Variants in CCND2 observed in about 807,000 individuals in gnomAD.
CCND2 encodes cyclin D2.
CCND2 carries 6 observed loss-of-function variants against 30.2 expected under a neutral mutation model. The observed-to-expected ratio is 0.20, with a 90% CI of 0.11 to 0.39. The LOEUF is 0.39. Ranked by LOEUF, CCND2 falls within the 10% of genes least tolerant of loss-of-function variation. The pLI is 1.00. For synonymous variants in CCND2, 150 were observed against 153.1 expected, an observed-to-expected ratio of 0.98 and a Z score of 0.15; for missense variants, 235 against 373.4, an observed-to-expected ratio of 0.63 and a Z score of 3.06.
At chr12:4,279,988 GTGCATA>G (rs922591290) in intron 3 of CCND2, among the ~76,000 whole-genome samples, 3 of 151,452 alleles carry the variant, frequency 2.0e-5, no homozygotes, top group African/African-American at 7.3e-5. Context: ...GTACGATGTA[GTGCATA>G]TGCCCTGTGC....
rs1864262422 is a variant in CCND2 at position 4,302,441 on chromosome 12, T to G, written c.*2432T>G. On this transcript the variant is annotated 3_prime_UTR_variant, in exon 5 of 5. Transcript: ENST00000261254. ...GGGGCTTCATCTGCAAAGGGCCCTT[T>G]CATCTTGAAGTTTTTCCCCTCCGTC... The G allele has an allele frequency of 8.6e-6, 2 of 233,010 alleles. No homozygotes were observed. Among genetic ancestry groups the G allele is most frequent in the African/African-American group, 4.4e-5 (2 of 45,318 alleles). 14.4% of individuals were successfully genotyped at this position (233,010 alleles called of 1,614,324 possible). A position where few individuals can be genotyped will look rare whatever the true frequency, so the allele number is the denominator to read the frequency against.
rs1157141448 is a variant in CCND2 at position 4,274,119 on chromosome 12, C to T, written c.79C>T (p.Leu27=). The change falls in exon 1 of 5, where the codon CTG becomes TTG. Residue 27 remains leucine (L), a synonymous_variant. Transcript: ENST00000261254. The surrounding 1 kb of genome is among the most constrained non-coding windows in gnomAD (Gnocchi z 7.7). ...DRNLLRDDRV[L]QNLLTIEERY... The stretch of plus-strand genomic sequence containing the variant: ...CAACCTGCTCCGAGACGACCGCGTC[C>T]TGCAGAACCTGCTCACCATCGAGGA... 1.2e-6 allele frequency: 2 copies of T among 1,613,976 alleles called. No individual in the cohort carries two copies. Among genetic ancestry groups the T allele is most frequent in the East Asian group, 2.2e-5 (1 of 44,878 alleles).
chr12:4,299,191 C>G lies in CCND2; in HGVS notation c.721-669C>G, dbSNP rs960059329. Among the ~76,000 whole-genome samples the G allele has an allele frequency of 3.0e-4, 45 of 152,160 alleles. No individual in the cohort carries two copies. The highest frequency in any genetic ancestry group is 1.1e-3 in the African/African-American group (45 of 41,512). Reference sequence around the variant, plus strand: ...CCTGGCCAATATGGTGAAACCCTGTCTGTACTAAAAATACAAAAATTAGCC... The same window carrying G: ...CCTGGCCAATATGGTGAAACCCTGTGTGTACTAAAAATACAAAAATTAGCC... On this transcript the variant is annotated intron_variant, in intron 4 of 4. Coordinates refer to ENST00000261254, the MANE Select transcript of CCND2 (RefSeq NM_001759.4). This position sits in a 1 kb window ranked among gnomAD's most constrained non-coding sequence, Gnocchi z 5.2.
In CCND2 at chr12:4,299,052, T is replaced by G. The variant is rs1276666142; in HGVS notation, c.721-808T>G. On this transcript the variant is annotated intron_variant, in intron 4 of 4. Coordinates refer to ENST00000261254, the MANE Select transcript of CCND2 (RefSeq NM_001759.4). This position sits in a 1 kb window ranked among gnomAD's most constrained non-coding sequence, Gnocchi z 5.2. ...GGAAATGGTAAAGAAGCAGAAAAAGTTGGGGATTTTTTTTTTTAAGTATTT... is the reference window on the plus strand; with the variant it reads ...GGAAATGGTAAAGAAGCAGAAAAAGGTGGGGATTTTTTTTTTTAAGTATTT... Among the ~76,000 whole-genome samples the G allele has an allele frequency of 6.7e-6, 1 of 148,444 alleles. No homozygotes were observed. Among genetic ancestry groups the G allele is most frequent in the Non-Finnish European group, 1.5e-5 (1 of 67,122 alleles).
At position 4,299,714 on chromosome 12, in the gene CCND2, T is replaced by TTC. The variant is rs1485002044; in HGVS notation, c.721-145_721-144insCT. 1.0e-5 allele frequency: 8 copies of TTC among 803,118 alleles called. No individual in the cohort carries two copies. In the African/African-American group the frequency reaches 1.2e-4, roughly 12 times the overall value. The allele number at this position is 803,118 out of a possible 1,614,324, so 49.7% of individuals were successfully genotyped here. ...TGGAGTAGTGAGGTTCCTTGGCACT[T>TTC]TAAGAACATCCCTCCTTTACTTCAC... is the stretch of plus-strand genomic sequence containing the variant. On this transcript the variant is annotated intron_variant, in intron 4 of 4. Transcript: ENST00000261254. The surrounding 1 kb of genome is among the most constrained non-coding windows in gnomAD (Gnocchi z 5.2).
intron 4 of CCND2, among the ~76,000 whole-genome samples, chr12:4,298,461 T>G (rs1672322099): frequency 6.6e-6 from 1 of 152,232 alleles, no homozygotes; most frequent in African/African-American, 2.4e-5. Context: ...TTGTCCAGGC[T>G]GGTATCGAAC....
At chr12:4,288,743 T>G in intron 3 of CCND2, 99 bp from the exon 4 acceptor site, 1 of 1,233,426 alleles carries the variant, frequency 8.1e-7, no homozygotes, top group Non-Finnish European at 1.1e-6. Context: ...CTCGCGCCGC[T>G]GACCTGCTGC....
chr12:4,282,877 G>GTGAACACTCTGGTTCTGGCCCTT lies in CCND2; in HGVS notation c.571+3964_571+3986dup, dbSNP rs1863968689. On this transcript the variant is annotated intron_variant, in intron 3 of 4. Coordinates refer to ENST00000261254, the MANE Select transcript of CCND2 (RefSeq NM_001759.4). This position sits in a 1 kb window ranked among gnomAD's most constrained non-coding sequence, Gnocchi z 4.3. ...GCGTGCCCAGTGACGTCCCTGGCCT[G>GTGAACACTCTGGTTCTGGCCCTT]TGAACACTCTGGTTCTGGCCCTTTG... Among the ~76,000 whole-genome samples, 1 of 152,226 alleles carries GTGAACACTCTGGTTCTGGCCCTT rather than the reference G, an allele frequency of 6.6e-6. No homozygotes were observed.
intron 3 of CCND2, among the ~76,000 whole-genome samples, chr12:4,288,062 G>A (rs1212129414): frequency 6.6e-6 from 1 of 152,142 alleles, no homozygotes; most frequent in Non-Finnish European, 1.5e-5. Flanking sequence ...TGATTCGGAT[G>A]CAATGATTAA....
rs202244547 is a variant in CCND2 at position 4,297,585 on chromosome 12, A to AG, written c.721-2275_721-2274insG. Among the ~76,000 whole-genome samples the AG allele has an allele frequency of 4.9e-3, 594 of 120,992 alleles. 32 individuals are homozygous for AG. The East Asian group carries it at 0.11, about 22-fold the overall frequency. The allele number at this position is 120,992 out of a possible 152,430, so 79.4% of individuals were successfully genotyped here. A position where few individuals can be genotyped will look rare whatever the true frequency, so the allele number is the denominator to read the frequency against. On this transcript the variant is annotated intron_variant, in intron 4 of 4. Coordinates refer to ENST00000261254, the MANE Select transcript of CCND2 (RefSeq NM_001759.4). ...CACTCTGTCTCAAAAAAAAAAAAAA[A>AG]AAAAAAAAAAAACAGAAAAGAAAAG...
At chr12:4,294,347 G>T (rs1223009409) in intron 4 of CCND2, among the ~76,000 whole-genome samples, 1 of 152,088 alleles carries the variant, frequency 6.6e-6, no homozygotes, top group Non-Finnish European at 1.5e-5. Flanking sequence ...GACCGCCAGC[G>T]CGGTAGGGTA....
intron 4 of CCND2, among the ~76,000 whole-genome samples, chr12:4,291,234 T>TGTGTGTGTGTGTGTGTGTGTG (rs6144591): frequency 3.4e-4 from 52 of 151,348 alleles, no homozygotes; most frequent in Middle Eastern, 3.4e-3. Context: ...TGTGTGTGTG[T>TGTGTGTGTGTGTGTGTGTGTG]TTATGCACCT....
At chr12:4,291,854 A>G (rs1864105566) in intron 4 of CCND2, among the ~76,000 whole-genome samples, 1 of 152,206 alleles carries the variant, frequency 6.6e-6, no homozygotes, top group East Asian at 1.9e-4. Context: ...CCAGACACAA[A>G]AAGACAAATA....
chr12:4,300,710 T>G lies in CCND2; in HGVS notation c.*701T>G. The G allele has an allele frequency of 4.3e-6, 1 of 233,766 alleles. No individual in the cohort carries two copies. Among genetic ancestry groups the G allele is most frequent in the Non-Finnish European group, 8.5e-6 (1 of 118,072 alleles). 14.5% of individuals were successfully genotyped at this position (233,766 alleles called of 1,614,324 possible). A position where few individuals can be genotyped will look rare whatever the true frequency, so the allele number is the denominator to read the frequency against. On this transcript the variant is annotated 3_prime_UTR_variant, in exon 5 of 5. Coordinates refer to ENST00000261254, the MANE Select transcript of CCND2 (RefSeq NM_001759.4). Reference sequence around the variant, plus strand: ...CTGGGTTTCATGTTCTGTGACATCCTGCTTCTTCTTCCAAATGCAGTTCAT... The same window carrying G: ...CTGGGTTTCATGTTCTGTGACATCCGGCTTCTTCTTCCAAATGCAGTTCAT...
chr12:4,281,567 G>A lies in CCND2; in HGVS notation c.571+2648G>A, dbSNP rs945696166. Reference sequence around the variant, plus strand: ...CTTTTCTCGCAGTCCTGGATGTTCCGTCCTGGAGCTGATGAAACACCTGCG... The same window carrying A: ...CTTTTCTCGCAGTCCTGGATGTTCCATCCTGGAGCTGATGAAACACCTGCG... On this transcript the variant is annotated intron_variant, in intron 3 of 4. Coordinates refer to ENST00000261254, the MANE Select transcript of CCND2 (RefSeq NM_001759.4). Among the ~76,000 whole-genome samples the A allele has an allele frequency of 1.3e-5, 2 of 151,826 alleles. 1 individual carries two copies. The highest frequency in any genetic ancestry group is 2.9e-5 in the Non-Finnish European group (2 of 67,980).
chr12:4,286,656 A>G (rs1307860830), intron 3 of CCND2, among the ~76,000 whole-genome samples: 1 of 152,264 alleles, frequency 6.6e-6, no homozygotes, highest in Non-Finnish European at 1.5e-5. Context: ...AGTGTCCCCA[A>G]GAGGACTCCC....
chr12:4,279,180 A>G (rs1341220753), intron 3 of CCND2, among the ~76,000 whole-genome samples: 3 of 152,216 alleles, frequency 2.0e-5, no homozygotes, highest in Non-Finnish European at 4.4e-5. Flanking sequence ...TGCCTGTTAA[A>G]ATATTCTTTA....
rs1457279845 is a variant in CCND2 at position 4,273,957 on chromosome 12, C to T, written c.-84C>T. On this transcript the variant is annotated 5_prime_UTR_variant, in exon 1 of 5. Transcript: ENST00000261254. The surrounding 1 kb of genome is among the most constrained non-coding windows in gnomAD (Gnocchi z 5.9). Reference sequence around the variant, plus strand: ...AGGAAGGAGGTCAGGGGAACGCTCTCCCCTCCCCTTCCAAAAAACAAAAAC... The same window carrying T: ...AGGAAGGAGGTCAGGGGAACGCTCTTCCCTCCCCTTCCAAAAAACAAAAAC... The T allele has an allele frequency of 7.4e-7, 1 of 1,353,136 alleles. No homozygotes were observed. Among genetic ancestry groups the T allele is most frequent in the Non-Finnish European group, 1.0e-6 (1 of 991,850 alleles). 83.8% of individuals were successfully genotyped at this position (1,353,136 alleles called of 1,614,324 possible). A position where few individuals can be genotyped will look rare whatever the true frequency, so the allele number is the denominator to read the frequency against.
rs1370449548 is a variant in CCND2, at chr12:4,302,963, G to C, written c.*2954G>C. On this transcript the variant is annotated 3_prime_UTR_variant, in exon 5 of 5. Coordinates refer to ENST00000261254, the MANE Select transcript of CCND2 (RefSeq NM_001759.4). Reference sequence around the variant, plus strand: ...AGCTTTGCTCAGCACACTCTCCTGGGCCCCAAGGAGTCCCACGGAATGGGG... The same window carrying C: ...AGCTTTGCTCAGCACACTCTCCTGGCCCCCAAGGAGTCCCACGGAATGGGG... 3 of 233,134 alleles carry C rather than the reference G, an allele frequency of 1.3e-5. No individual in the cohort carries two copies. Among genetic ancestry groups the C allele is most frequent in the African/African-American group, 2.2e-5 (1 of 45,338 alleles). 14.4% of individuals were successfully genotyped at this position (233,134 alleles called of 1,614,324 possible).
Sources: gnomAD v4.1 joint callset for allele counts (sites outside exome capture counted in the v4.1 genomes callset) on GRCh38, gnomAD v4.1.1 for gene constraint, Gnocchi (gnomAD v3.1) non-coding constraint, MANE v1.5 for transcripts, NCBI Gene and HGNC (gene_info 2026-07-23, HGNC 2026-07-21) for gene names.